Variants in APC observed in about 807,000 individuals in gnomAD.
APC encodes adenomatous polyposis coli protein.
A neutral mutation model predicts 247.0 loss-of-function variants in APC; 72 were observed. The observed-to-expected ratio is 0.29, with a 90% CI of 0.24 to 0.35. The LOEUF is 0.35. Among genes scored for constraint, APC ranks in the 10% least tolerant of loss-of-function variants. The pLI, the probability that APC is intolerant of heterozygous loss-of-function variation, is 1.00. For missense variants in APC, 3,400 were observed against 3,360.7 expected (o/e 1.01, Z -0.29); for synonymous variants, 1,254 against 1,162.5 (o/e 1.08, Z -1.60).
chr5:112,708,295 G>T (rs532705878), intron 1 of APC, among the ~76,000 whole-genome samples: 1 of 152,300 alleles, frequency 6.6e-6, no homozygotes, highest in African/African-American at 2.4e-5. Context: ...GGCATGTGGA[G>T]TTACAAAGAA....
intron 1 of APC, among the ~76,000 whole-genome samples, chr5:112,728,843 C>T (rs955542967): frequency 6.6e-6 from 1 of 152,100 alleles, no homozygotes; most frequent in African/African-American, 2.4e-5. Context: ...CCTGTAATAT[C>T]TGTGGATCTT....
At chr5:112,743,769 T>C (rs1316274009) in intron 1 of APC, among the ~76,000 whole-genome samples, 1 of 152,172 alleles carries the variant, frequency 6.6e-6, no homozygotes, top group Non-Finnish European at 1.5e-5. Context: ...GTCTTACCAG[T>C]CATTGAACTT....
chr5:112,795,528 ACC>A (rs1760126833), intron 7 of APC, among the ~76,000 whole-genome samples: 3 of 152,184 alleles, frequency 2.0e-5, no homozygotes, highest in Non-Finnish European at 4.4e-5. Flanking sequence ...GGTGACAGCC[ACC>A]CATCTTTTTG....
intron 1 of APC, among the ~76,000 whole-genome samples, chr5:112,731,407 T>C (rs1260995459): frequency 1.3e-5 from 2 of 152,162 alleles, no homozygotes; most frequent in African/African-American, 4.8e-5. Flanking sequence ...GGCCTTCTTA[T>C]TGTGTCATCC....
intron 1 of APC, among the ~76,000 whole-genome samples, chr5:112,743,661 G>A (rs1023791519): frequency 2.0e-5 from 3 of 152,204 alleles, no homozygotes; most frequent in East Asian, 1.9e-4. Context: ...ACTGAGAAAC[G>A]TTAAAGCAAC....
chr5:112,809,549 C>G (rs557689176), intron 8 of APC, among the ~76,000 whole-genome samples: 10 of 149,204 alleles, frequency 6.7e-5, no homozygotes, highest in African/African-American at 2.2e-4. Context: ...GAACAGTTAA[C>G]AGTTTCCACC....
intron 2 of APC, among the ~76,000 whole-genome samples, chr5:112,759,523 A>G (rs1204203275): frequency 6.6e-6 from 1 of 151,624 alleles, no homozygotes; most frequent in Non-Finnish European, 1.5e-5. Flanking sequence ...ACGCCCAGCT[A>G]ATTTTTGTAT....
At chr5:112,780,983 T>A in intron 6 of APC, 80 bp downstream of exon 6, 1 of 939,306 alleles carries the variant, frequency 1.1e-6, no homozygotes, top group Non-Finnish European at 1.7e-6. Context: ...TAATATTGAT[T>A]AAATTTTATT....
At chr5:112,781,624 A>G (rs543856708) in intron 6 of APC, among the ~76,000 whole-genome samples, 2 of 152,226 alleles carry the variant, frequency 1.3e-5, no homozygotes, top group Non-Finnish European at 2.9e-5. Flanking sequence ...GCAGAGACCA[A>G]CATTTACATG....
chr5:112,799,170 C>A (rs1406632572), intron 7 of APC, among the ~76,000 whole-genome samples: 2 of 115,466 alleles, frequency 1.7e-5, no homozygotes, highest in East Asian at 5.7e-4. Flanking sequence ...GGTGACAGGG[C>A]GAGACTCTGT....
rs2546107 is a variant in APC at position 112,823,773 on chromosome 5, A to G, written c.1408+1782A>G. On this transcript the variant is annotated intron_variant, in intron 11 of 15. Transcript: ENST00000257430. ...TGATTAAGACCTGGTCCTGGCTTTC[A>G]GGGAACTCACAGTTTATTTGCATTA... Among the ~76,000 whole-genome samples, 60,769 of 152,086 alleles carry G rather than the reference A, an allele frequency of 0.4. 14,649 individuals are homozygous for G. Among genetic ancestry groups the G allele is most frequent in the East Asian group, 0.67 (3,448 of 5,172 alleles).
intron 1 of APC, among the ~76,000 whole-genome samples, chr5:112,742,447 G>A (rs2149696785): frequency 6.6e-6 from 1 of 152,348 alleles, no homozygotes; most frequent in Admixed American, 6.5e-5. Context: ...GAATGTCTTA[G>A]TTGGATGGTC....
chr5:112,841,374 T>G lies in APC; in HGVS notation c.5780T>G (p.Leu1927Arg), dbSNP rs751228579. The G allele has an allele frequency of 6.2e-7, 1 of 1,613,710 alleles. No individual in the cohort carries two copies. The highest frequency in any genetic ancestry group is 8.5e-7 in the Non-Finnish European group (1 of 1,179,674). ...AATCGAGGTCAGCCTAAACCCATACTTCAGAAACAATCCACTTTTCCCCAG... is the reference window on the plus strand; with the variant it reads ...AATCGAGGTCAGCCTAAACCCATACGTCAGAAACAATCCACTTTTCCCCAG... ...PINRGQPKPILQKQSTFPQSS... is the reference protein window; with the variant it reads ...PINRGQPKPIRQKQSTFPQSS... The change falls in exon 16 of 16, where the codon CTT (leucine) becomes CGT (arginine). Residue 1927 changes from leucine to arginine, a missense_variant. Physicochemically the swap from Leu to Arg is moderately radical, Grantham distance 102. Transcript: ENST00000257430. This position sits in a 1 kb window ranked among gnomAD's most constrained non-coding sequence, Gnocchi z 4.6.
Position 112,843,127 on chromosome 5 carries a change from C to T in APC, c.7533C>T (p.Leu2511=), listed in dbSNP as rs1057522957. ...GATGGCGAAAACTCCCACCTAATCTCAGTCCCACTATAGAGTATAATGATG... is the reference window on the plus strand; with the variant it reads ...GATGGCGAAAACTCCCACCTAATCTTAGTCCCACTATAGAGTATAATGATG... ...AGGWRKLPPN[L]SPTIEYNDGR... is the part of the protein sequence containing the mutation. Residue 2511 remains leucine, a synonymous_variant, in exon 16 of 16, where the codon CTC becomes CTT. Transcript: ENST00000257430. This position sits in a 1 kb window ranked among gnomAD's most constrained non-coding sequence, Gnocchi z 4.8. The T allele has an allele frequency of 3.7e-6, 6 of 1,613,918 alleles. No homozygotes were observed. The highest frequency in any genetic ancestry group is 5.1e-6 in the Non-Finnish European group (6 of 1,179,920).
At chr5:112,719,300 C>G (rs1751352294) in intron 1 of APC, among the ~76,000 whole-genome samples, 2 of 152,112 alleles carry the variant, frequency 1.3e-5, no homozygotes, top group African/African-American at 4.8e-5. Flanking sequence ...TCACTGCAAC[C>G]TCTGCTTTCT....
At chr5:112,712,128 G>A (rs1369230485) in intron 1 of APC, among the ~76,000 whole-genome samples, 1 of 152,178 alleles carries the variant, frequency 6.6e-6, no homozygotes, top group Admixed American at 6.5e-5. Context: ...AACACAATAC[G>A]GGGAAGGGGT....
intron 4 of APC, among the ~76,000 whole-genome samples, chr5:112,769,047 C>CTTTTTTTTT (rs1561467916): frequency 1.9e-5 from 2 of 106,204 alleles, no homozygotes; most frequent in Non-Finnish European, 3.8e-5. Context: ...TCTTTTTTTT[C>CTTTTTTTTT]TTCTTTTTTT....
At chr5:112,809,076 G>A (rs1484521719) in intron 8 of APC, among the ~76,000 whole-genome samples, 1 of 152,120 alleles carries the variant, frequency 6.6e-6, no homozygotes, top group Non-Finnish European at 1.5e-5. Context: ...ATGCACCTGG[G>A]TGCAGTAGCT....
rs1554072560 is a variant in APC at position 112,780,797 on chromosome 5, T to C, written c.539T>C (p.Leu180Ser). 1 of 1,609,664 alleles carries C rather than the reference T, an allele frequency of 6.2e-7. No homozygotes were observed. Among genetic ancestry groups the C allele is most frequent in the Non-Finnish European group, 8.5e-7 (1 of 1,176,368 alleles). The change falls in exon 6 of 16, where the codon TTA becomes TCA. Residue 180 changes from leucine (L) to serine (S), a missense_variant. Transcript: ENST00000257430. Reference sequence around the variant, plus strand: ...TATTATTTGTGGTTTTAGTTTTCCTTACAAACAGATATGACCAGAAGGCAA... The same window carrying C: ...TATTATTTGTGGTTTTAGTTTTCCTCACAAACAGATATGACCAGAAGGCAA... Reference protein sequence around the residue: ...DSLPLTENFSLQTDMTRRQLE... With the variant: ...DSLPLTENFSSQTDMTRRQLE...
Sources: allele counts gnomAD v4.1 joint callset (sites outside exome capture counted in the v4.1 genomes callset), GRCh38; gene constraint gnomAD v4.1.1; non-coding constraint Gnocchi (gnomAD v3.1); transcripts MANE v1.5; gene names NCBI Gene and HGNC (gene_info 2026-07-23, HGNC 2026-07-21).